PLSCR5: variants seen among roughly 807,000 people sequenced by gnomAD.
The protein encoded by PLSCR5 is phospholipid scramblase family, member 5.
A neutral mutation model predicts 33.6 loss-of-function variants in PLSCR5; 44 were observed. That is an observed-to-expected ratio of 1.31 (90% CI 1.03 to 1.69). PLSCR5 has a LOEUF of 1.69. Ranked by LOEUF, PLSCR5 falls within the 40% of genes most tolerant of loss-of-function variation. The pLI is 0.00. For synonymous variants in PLSCR5, 148 were observed against 112.3 expected (o/e 1.32, Z -2.01); for missense variants, 375 against 318.7 (o/e 1.18, Z -1.34).
chr3:146,600,452 G>A lies in PLSCR5; in HGVS notation c.25C>T (p.Gln9Ter). The A allele has an allele frequency of 6.3e-7, 1 of 1,582,630 alleles. No homozygotes were observed. The highest frequency in any genetic ancestry group is 8.6e-7 in the Non-Finnish European group (1 of 1,161,712). Residue 9 changes from glutamine (Q) to a stop codon, truncating the protein, a stop_gained, in exon 2 of 8, where the codon CAA becomes TAA. Coordinates refer to ENST00000443512, the MANE Select transcript of PLSCR5 (RefSeq NM_001085420.2). LOFTEE classifies it high-confidence loss of function. Reference sequence around the variant, plus strand: ...AGAAAACCAGGCAGACCTCTTCTTTGGTTCTGGGCATCTGCAAGAGAATGG... The same window carrying A: ...AGAAAACCAGGCAGACCTCTTCTTTAGTTCTGGGCATCTGCAAGAGAATGG... MASKDAQN[Q>*]RRGLPGFLPG...
intron 6 of PLSCR5, 23 bp from the exon 7 acceptor site, chr3:146,586,135 T>A (rs887083621): frequency 2.1e-6 from 3 of 1,447,768 alleles, no homozygotes; most frequent in Non-Finnish European, 2.7e-6. Flanking sequence ...AAACTGAATA[T>A]AAGTGAATTT....
rs773769539 is a variant in PLSCR5, at chr3:146,593,943, A to C, written c.430T>G (p.Trp144Gly). 1.4e-5 allele frequency: 23 copies of C among 1,613,678 alleles called. No homozygotes were observed. Among genetic ancestry groups the C allele is most frequent in the South Asian group, 2.2e-5 (2 of 91,070 alleles). ...VNRPLRCNSCWCPCYLQELEI... is the reference protein window; with the variant it reads ...VNRPLRCNSCGCPCYLQELEI... The stretch of plus-strand genomic sequence containing the variant: ...ACCTCTTGTAGGTAGCAAGGGCACC[A>C]GCAGCTGTTACATCTCAAGGGCCTG... The change falls in exon 4 of 8, where the codon TGG (tryptophan) becomes GGG (glycine). Residue 144 changes from tryptophan to glycine, a missense_variant. By Grantham distance (184) the Trp-to-Gly change is radical. Transcript: ENST00000443512.
At chr3:146,602,572 A>C (rs2044827164) in intron 1 of PLSCR5, among the ~76,000 whole-genome samples, 1 of 152,016 alleles carries the variant, frequency 6.6e-6, no homozygotes. Flanking sequence ...AAAATCATGG[A>C]GCCTAGGTTT....
In PLSCR5 at chr3:146,586,097, C is replaced by A; in HGVS notation, c.793G>T (p.Glu265Ter). The part of the protein sequence containing the change: ...ACFLFDFMFF[E>*]HSLAGL Reference sequence around the variant, plus strand: ...TATTATAATCCAGCCAGTGAATGTTCAAAGAACATAAAATCCTACAAATAA... The same window carrying A: ...TATTATAATCCAGCCAGTGAATGTTAAAAGAACATAAAATCCTACAAATAA... Residue 265 changes from glutamate (E) to a stop codon, truncating the protein, a stop_gained, in exon 7 of 8, where the codon GAA becomes TAA. Coordinates refer to ENST00000443512, the MANE Select transcript of PLSCR5 (RefSeq NM_001085420.2). LOFTEE classifies it high-confidence loss of function. 1 of 1,482,932 alleles carries A rather than the reference C, an allele frequency of 6.7e-7. No homozygotes were observed. The allele number at this position is 1,482,932 out of a possible 1,614,324, so 91.9% of individuals were successfully genotyped here. A position where few individuals can be genotyped will look rare whatever the true frequency, so the allele number is the denominator to read the frequency against.
chr3:146,600,274 A>G lies in PLSCR5; in HGVS notation c.189+14T>C. The G allele has an allele frequency of 1.3e-6, 2 of 1,529,510 alleles. No individual in the cohort carries two copies. Among genetic ancestry groups the G allele is most frequent in the Non-Finnish European group, 1.8e-6 (2 of 1,133,074 alleles). The allele number at this position is 1,529,510 out of a possible 1,614,324, so 94.7% of individuals were successfully genotyped here. On this transcript the variant is annotated intron_variant, in intron 2 of 7. Coordinates refer to ENST00000443512, the MANE Select transcript of PLSCR5 (RefSeq NM_001085420.2). Reference sequence around the variant, plus strand: ...GGGTAGAACATATCTGTAGTAATAGAAAGATAAAAACACCTGGCTTAAATA... The same window carrying G: ...GGGTAGAACATATCTGTAGTAATAGGAAGATAAAAACACCTGGCTTAAATA...
intron 5 of PLSCR5, 35 bp downstream of exon 5, chr3:146,591,685 C>A: frequency 3.2e-6 from 5 of 1,572,370 alleles, no homozygotes; most frequent in South Asian, 2.4e-5. Flanking sequence ...AAATCAGGAC[C>A]TAAATGAAAA....
rs948511091 is a variant in PLSCR5, at chr3:146,594,244, A to G, written c.233-104T>C. On this transcript the variant is annotated intron_variant, in intron 3 of 7. Coordinates refer to ENST00000443512, the MANE Select transcript of PLSCR5 (RefSeq NM_001085420.2). ...AAAAGAATACAGTGTCTGATCAATTATTAAATATATGGTATCTTCTTCACA... is the reference window on the plus strand; with the variant it reads ...AAAAGAATACAGTGTCTGATCAATTGTTAAATATATGGTATCTTCTTCACA... 17 of 785,866 alleles carry G rather than the reference A, an allele frequency of 2.2e-5. No individual in the cohort carries two copies. In the African/African-American group the frequency reaches 3.0e-4, roughly 14 times the overall value. The allele number at this position is 785,866 out of a possible 1,614,324, so 48.7% of individuals were successfully genotyped here. A position where few individuals can be genotyped will look rare whatever the true frequency, so the allele number is the denominator to read the frequency against.
At chr3:146,605,123 G>A in intron 1 of PLSCR5, 77 bp downstream of exon 1, 1 of 1,433,364 alleles carries the variant, frequency 7.0e-7, no homozygotes, top group South Asian at 1.2e-5. Flanking sequence ...AATCTAACTG[G>A]TTGTAACACA....
intron 7 of PLSCR5, among the ~76,000 whole-genome samples, chr3:146,578,893 T>A (rs951366115): frequency 6.6e-6 from 1 of 152,068 alleles, no homozygotes. Context: ...CTGATAATAA[T>A]ACTTGGCAGA....
At chr3:146,584,692 G>GGGGA (rs1341622946), downstream of PLSCR5, among the ~76,000 whole-genome samples, 8 of 152,014 alleles carry the variant, frequency 5.3e-5, no homozygotes, top group Admixed American at 5.2e-4. Flanking sequence ...CCAGAGTATG[G>GGGGA]GGGAGAGAAG....
intron 1 of PLSCR5, among the ~76,000 whole-genome samples, chr3:146,600,706 G>T (rs1380229620): frequency 6.6e-6 from 1 of 150,970 alleles, no homozygotes. Flanking sequence ...CAAAATAAAA[G>T]ACTTTAGAAA....
chr3:146,592,950 G>A (rs2044727960), intron 4 of PLSCR5, among the ~76,000 whole-genome samples: 1 of 152,058 alleles, frequency 6.6e-6, no homozygotes, highest in African/African-American at 2.4e-5. Flanking sequence ...CTCCATGCAC[G>A]AGCACTTCAA....
Position 146,585,861 on chromosome 3 carries a change from A to C in PLSCR5, c.*126T>G. 2 of 399,466 alleles carry C rather than the reference A, an allele frequency of 5.0e-6. No homozygotes were observed. The highest frequency in any genetic ancestry group is 8.0e-5 in the South Asian group (2 of 24,878). 24.7% of individuals were successfully genotyped at this position (399,466 alleles called of 1,614,324 possible). A position where few individuals can be genotyped will look rare whatever the true frequency, so the allele number is the denominator to read the frequency against. On this transcript the variant is annotated 3_prime_UTR_variant, in exon 8 of 8. Coordinates refer to ENST00000443512, the MANE Select transcript of PLSCR5 (RefSeq NM_001085420.2). ...ATTGCCTCATTAAACTGTTTTAATA[A>C]ATATAATAATTAACATTTTTTTTTA...
intron 2 of PLSCR5, among the ~76,000 whole-genome samples, chr3:146,597,019 G>T (rs2044767072): frequency 6.6e-6 from 1 of 152,024 alleles, no homozygotes; most frequent in South Asian, 2.1e-4. Context: ...CCTCAACAAG[G>T]ATATATGTTA....
In PLSCR5 at chr3:146,586,064, A is replaced by G. The variant is rs920210480; in HGVS notation, c.*10T>C. The G allele has an allele frequency of 1.4e-6, 2 of 1,481,214 alleles. No homozygotes were observed. Among genetic ancestry groups the G allele is most frequent in the Non-Finnish European group, 1.8e-6 (2 of 1,112,752 alleles). The allele number at this position is 1,481,214 out of a possible 1,614,324, so 91.8% of individuals were successfully genotyped here. A position where few individuals can be genotyped will look rare whatever the true frequency, so the allele number is the denominator to read the frequency against. On this transcript the variant is annotated 3_prime_UTR_variant, in exon 7 of 8. Coordinates refer to ENST00000443512, the MANE Select transcript of PLSCR5 (RefSeq NM_001085420.2). ...TTCTGCATATTTTATTGTTTTCATT[A>G]TCTTGGTTATTATAATCCAGCCAGT... is the stretch of plus-strand genomic sequence containing the variant.
chr3:146,603,713 A>T (rs2044839339), intron 1 of PLSCR5, among the ~76,000 whole-genome samples: 1 of 152,110 alleles, frequency 6.6e-6, no homozygotes, highest in Non-Finnish European at 1.5e-5. Flanking sequence ...TATTTTATAC[A>T]CTCTGCAACT....
At chr3:146,600,975 T>A (rs1224313926) in intron 1 of PLSCR5, among the ~76,000 whole-genome samples, 7 of 147,172 alleles carry the variant, frequency 4.8e-5, no homozygotes, top group Non-Finnish European at 1.1e-4. Flanking sequence ...ATATACTTAT[T>A]TTTATATATT....
At chr3:146,591,993 T>G (rs996745612) in intron 4 of PLSCR5, 112 bp from the exon 5 acceptor site, 9 of 961,632 alleles carry the variant, frequency 9.4e-6, no homozygotes, top group East Asian at 5.5e-5. Flanking sequence ...TATTTTGATA[T>G]TCTACAAATC....
At position 146,600,279 on chromosome 3, in the gene PLSCR5, T is replaced by TA; in HGVS notation, c.189+8dup. 6.5e-7 allele frequency: 1 copy of TA among 1,543,432 alleles called. No homozygotes were observed. The highest frequency in any genetic ancestry group is 8.8e-7 in the Non-Finnish European group (1 of 1,141,026). On this transcript the variant is annotated intron_variant, in intron 2 of 7. Transcript: ENST00000443512. ...GAACATATCTGTAGTAATAGAAAGATAAAAACACCTGGCTTAAATATTCTA... is the reference window on the plus strand; with the variant it reads ...GAACATATCTGTAGTAATAGAAAGATAAAAAACACCTGGCTTAAATATTCTA...
Sources: gnomAD v4.1 joint callset for allele counts (sites outside exome capture counted in the v4.1 genomes callset) on GRCh38, gnomAD v4.1.1 for gene constraint, MANE v1.5 for transcripts, NCBI Gene and HGNC (gene_info 2026-07-23, HGNC 2026-07-21) for gene names.